ASAP1: variants seen among roughly 807,000 people sequenced by gnomAD.
ASAP1 encodes the protein arf-GAP with SH3 domain, ANK repeat and PH domain-containing protein 1.
Under a neutral mutation model 145.2 loss-of-function variants are expected in ASAP1, and 43 were observed. The ratio of observed to expected loss-of-function variants is 0.30; its 90% CI spans 0.23 to 0.38. The LOEUF is 0.38. ASAP1 is among the 10% of genes least tolerant of loss of function. The pLI, the probability that ASAP1 is intolerant of heterozygous loss-of-function variation, is 1.00. For missense variants in ASAP1, 1,018 were observed against 1,355.3 expected (o/e 0.75, Z 3.91); for synonymous variants, 546 against 515.5 (o/e 1.06, Z -0.80).
At chr8:130,292,620 C>T (rs1216560622) in intron 3 of ASAP1, among the ~76,000 whole-genome samples, 1 of 152,182 alleles carries the variant, frequency 6.6e-6, no homozygotes, top group Non-Finnish European at 1.5e-5. Flanking sequence ...CCAGATTATT[C>T]TCTACTATAA....
In ASAP1 at chr8:130,127,951, T is replaced by C; in HGVS notation, c.1357A>G (p.Ile453Val). 6.2e-7 allele frequency: 1 copy of C among 1,613,702 alleles called. No individual in the cohort carries two copies. Among genetic ancestry groups the C allele is most frequent in the South Asian group, 1.1e-5 (1 of 91,026 alleles). The change falls in exon 16 of 30, where the codon ATT becomes GTT. Residue 453 changes from isoleucine to valine, a missense_variant. By Grantham distance (29) the Ile-to-Val change is conservative. Transcript: ENST00000518721. ...EDVQRLPGND[I>V]CCDCGSSEPT... ...CCTGATGAGCCACAATCGCAGCAAA[T>C]GTCATTCCCTGGGAGCCGCTGGACA...
chr8:130,165,642 A>G lies in ASAP1; in HGVS notation c.909+1894T>C, dbSNP rs903217500. ...CTGAGACTGAATGACATGGATGCAG[A>G]AACTGCCTTAGTGTACACAGATGTT... On this transcript the variant is annotated intron_variant, in intron 11 of 29. Transcript: ENST00000518721. 4.6e-5 allele frequency among the ~76,000 whole-genome samples: 7 copies of G among 152,218 alleles called. No homozygotes were observed. In the East Asian group the frequency reaches 1.3e-3, roughly 29 times the overall value.
chr8:130,220,066 A>C (rs1366809582), intron 4 of ASAP1, among the ~76,000 whole-genome samples: 1 of 152,202 alleles, frequency 6.6e-6, no homozygotes, highest in Non-Finnish European at 1.5e-5. Flanking sequence ...TAGGATTTAC[A>C]GGTGTAAGCC....
intron 22 of ASAP1, 36 bp downstream of exon 22, chr8:130,116,642 A>G: frequency 6.3e-7 from 1 of 1,575,782 alleles, no homozygotes; most frequent in East Asian, 2.2e-5. Flanking sequence ...AAGGCAGCCA[A>G]TGTCTAATAA....
chr8:130,077,871 A>G (rs940612068), intron 26 of ASAP1, among the ~76,000 whole-genome samples: 1 of 152,316 alleles, frequency 6.6e-6, no homozygotes, highest in African/African-American at 2.4e-5. Context: ...ACTAAACAAG[A>G]AACAGTAAAC....
intron 2 of ASAP1, among the ~76,000 whole-genome samples, chr8:130,363,046 T>A (rs1457791239): frequency 6.6e-6 from 1 of 152,190 alleles, no homozygotes; most frequent in African/African-American, 2.4e-5. Context: ...TGTTAAAGTA[T>A]TTCTCCTCTC....
At chr8:130,220,556 G>T (rs950709642) in intron 4 of ASAP1, among the ~76,000 whole-genome samples, 1 of 152,156 alleles carries the variant, frequency 6.6e-6, no homozygotes, top group African/African-American at 2.4e-5. Context: ...CAGCAAGGTG[G>T]CTGGGTGCAG....
intron 25 of ASAP1, chr8:130,082,686 TTTTTGTAGAGACAAGGTCTC>T (rs2097483646): frequency 2.6e-5 from 4 of 151,336 alleles, no homozygotes; most frequent in African/African-American, 9.7e-5. Context: ...ATTTTTATTT[TTTTTGTAGAGACAAGGTCTC>T]ATTACTAATT....
intron 5 of ASAP1, among the ~76,000 whole-genome samples, chr8:130,191,530 TA>T (rs149721970): frequency 0.059 from 9,017 of 152,260 alleles, 340 homozygotes; most frequent in Non-Finnish European, 0.08. Flanking sequence ...GGAGAGCTCA[TA>T]TTCTAGGAAC....
chr8:130,312,987 A>G (rs925639467), intron 3 of ASAP1, among the ~76,000 whole-genome samples: 1 of 152,230 alleles, frequency 6.6e-6, no homozygotes, highest in Non-Finnish European at 1.5e-5. Flanking sequence ...TTAAAAAATG[A>G]CTTGGCAAAT....
chr8:130,238,725 T>C (rs891588856), intron 3 of ASAP1, among the ~76,000 whole-genome samples: 7 of 152,124 alleles, frequency 4.6e-5, no homozygotes, highest in Admixed American at 4.6e-4. Flanking sequence ...AGACCTTCAA[T>C]AAATATTTAT....
At chr8:130,202,638 T>C (rs1375140065) in intron 5 of ASAP1, among the ~76,000 whole-genome samples, 1 of 152,240 alleles carries the variant, frequency 6.6e-6, no homozygotes, top group African/African-American at 2.4e-5. Context: ...CATGAATATC[T>C]CTTGATAATT....
At chr8:130,428,114 G>A (rs977484194) in intron 1 of ASAP1, among the ~76,000 whole-genome samples, 1 of 151,956 alleles carries the variant, frequency 6.6e-6, no homozygotes. Flanking sequence ...AGAACTTTGG[G>A]GATTCCCTTT....
At chr8:130,184,164 T>C (rs1292079584) in intron 7 of ASAP1, among the ~76,000 whole-genome samples, 8 of 152,208 alleles carry the variant, frequency 5.3e-5, no homozygotes, top group Non-Finnish European at 1.0e-4. Flanking sequence ...TATTCTACCA[T>C]TCAGATTAGC....
intron 3 of ASAP1, among the ~76,000 whole-genome samples, chr8:130,319,138 G>A (rs1287549185): frequency 6.6e-6 from 1 of 152,172 alleles, no homozygotes; most frequent in Admixed American, 6.5e-5. Context: ...AATTGCAAGG[G>A]AGCTAGTTGA....
At chr8:130,055,535 T>TA (rs5895033) in intron 29 of ASAP1, among the ~76,000 whole-genome samples, 26,083 of 121,466 alleles carry the variant, frequency 0.21, 2,671 homozygotes, top group East Asian at 0.47. Flanking sequence ...TTCTAGCCAG[T>TA]AAAAAAAAAA....
chr8:130,057,388 G>C (rs187239928), intron 29 of ASAP1, among the ~76,000 whole-genome samples: 12 of 152,306 alleles, frequency 7.9e-5, no homozygotes, highest in Non-Finnish European at 5.9e-5. Flanking sequence ...AAGGTTACAT[G>C]ATACCATGGG....
In ASAP1 at chr8:130,054,623, T is replaced by C. The variant is rs996423933; in HGVS notation, c.*108A>G. ...TCCCCCTCCTGAGGTGGCCCTTCCA[T>C]GAGTTTCTTACTCTGTAACAGCAGC... On this transcript the variant is annotated 3_prime_UTR_variant, in exon 30 of 30. Transcript: ENST00000518721. The C allele has an allele frequency of 2.1e-5, 20 of 950,038 alleles. No homozygotes were observed. The African/African-American group carries it at 2.6e-4, about 12-fold the overall frequency. The allele number at this position is 950,038 out of a possible 1,614,324, so 58.9% of individuals were successfully genotyped here.
chr8:130,173,294 G>A (rs1001772093), intron 9 of ASAP1, among the ~76,000 whole-genome samples: 1 of 152,214 alleles, frequency 6.6e-6, no homozygotes, highest in Non-Finnish European at 1.5e-5. Flanking sequence ...AGGGTGACAT[G>A]CTGTCATCTG....
Sources: gnomAD v4.1 joint callset for allele counts (sites outside exome capture counted in the v4.1 genomes callset) on GRCh38, gnomAD v4.1.1 for gene constraint, MANE v1.5 for transcripts, NCBI Gene and HGNC (gene_info 2026-07-23, HGNC 2026-07-21) for gene names.